The following TAFA1 variants were observed in gnomAD, a reference collection of about 807,000 sequenced individuals.
TAFA1 encodes chemokine-like protein TAFA-1.
TAFA1 carries 4 observed loss-of-function variants against 18.5 expected under a neutral mutation model. The observed-to-expected ratio is 0.22, with a 90% CI of 0.11 to 0.49. The LOEUF (loss-of-function observed/expected upper bound fraction) is 0.49. Ranked by LOEUF, TAFA1 falls within the 20% of genes least tolerant of loss-of-function variation. The pLI, the probability that TAFA1 is intolerant of heterozygous loss-of-function variation, is 0.98. For missense variants in TAFA1, 147 were observed against 169.0 expected (o/e 0.87, Z 0.72); for synonymous variants, 56 against 55.2 (o/e 1.01, Z -0.06).
chr3:68,362,980 C>CTTTTTTTTT (rs10681792), intron 2 of TAFA1, among the ~76,000 whole-genome samples: 12 of 75,012 alleles, frequency 1.6e-4, no homozygotes, highest in East Asian at 6.2e-4. Flanking sequence ...GTCTTGCAGG[C>CTTTTTTTTT]TTTTTTTTTT....
chr3:68,145,065 A>G (rs767957468), intron 2 of TAFA1: 5 of 1,593,778 alleles, frequency 3.1e-6, no homozygotes, highest in Non-Finnish European at 4.3e-6. Context: ...GATCAGTGCG[A>G]GAACCAGGAG....
intron 2 of TAFA1, among the ~76,000 whole-genome samples, chr3:68,120,218 T>TTTCC (rs2065378663): frequency 7.6e-6 from 1 of 131,936 alleles, no homozygotes; most frequent in African/African-American, 3.0e-5. Flanking sequence ...TCTTTCTTTC[T>TTTCC]TTCTTTCTTT....
chr3:68,052,396 T>G (rs1359027941), intron 2 of TAFA1, among the ~76,000 whole-genome samples: 3 of 152,170 alleles, frequency 2.0e-5, no homozygotes, highest in Non-Finnish European at 4.4e-5. Flanking sequence ...TTCCTGTGAC[T>G]ACTCTGAGTC....
At chr3:68,250,156 T>G (rs2107159462) in intron 2 of TAFA1, among the ~76,000 whole-genome samples, 1 of 152,230 alleles carries the variant, frequency 6.6e-6, no homozygotes, top group East Asian at 1.9e-4. Flanking sequence ...GGGTGATGAT[T>G]TTAATCCAGA....
intron 3 of TAFA1, among the ~76,000 whole-genome samples, chr3:68,533,134 C>G (rs1429736221): frequency 6.6e-6 from 1 of 151,274 alleles, no homozygotes; most frequent in Non-Finnish European, 1.5e-5. Flanking sequence ...CGGTCGCATC[C>G]TTATGATGCT....
At chr3:68,071,969 A>T (rs867745566) in intron 2 of TAFA1, among the ~76,000 whole-genome samples, 2 of 152,208 alleles carry the variant, frequency 1.3e-5, no homozygotes, top group South Asian at 4.1e-4. Context: ...TTACAATTAG[A>T]CATAAAATTT....
chr3:68,414,641 A>G (rs2070777064), intron 2 of TAFA1, among the ~76,000 whole-genome samples: 1 of 152,182 alleles, frequency 6.6e-6, no homozygotes, highest in Non-Finnish European at 1.5e-5. Flanking sequence ...AGCTCCAGAA[A>G]TGGCATTGAG....
At chr3:68,317,649 T>G (rs1484012775) in intron 2 of TAFA1, among the ~76,000 whole-genome samples, 1 of 152,134 alleles carries the variant, frequency 6.6e-6, no homozygotes, top group Non-Finnish European at 1.5e-5. Flanking sequence ...GCCAGATGCT[T>G]AATAATTATT....
chr3:68,453,116 G>A (rs979184057), intron 3 of TAFA1, among the ~76,000 whole-genome samples: 3 of 152,142 alleles, frequency 2.0e-5, no homozygotes, highest in African/African-American at 4.8e-5. Context: ...AGACATAAGC[G>A]CTTACTAACC....
In TAFA1 at chr3:68,370,472, GTATATATATATATATA is replaced by G. The variant is rs749877780; in HGVS notation, c.119-46779_119-46764del. On this transcript the variant is annotated intron_variant, in intron 2 of 4. Coordinates refer to ENST00000478136, the MANE Select transcript of TAFA1 (RefSeq NM_213609.4). ...TATATATATGTGTGTGTGTGTGTGT[GTATATATATATATATA>G]TATATATATATATATATATATATAT... Among the ~76,000 whole-genome samples the G allele has an allele frequency of 4.8e-4, 16 of 33,032 alleles. No homozygotes were observed. In the South Asian group the frequency reaches 5.9e-3, roughly 12 times the overall value. The allele number at this position is 33,032 out of a possible 152,430, so 21.7% of individuals were successfully genotyped here.
chr3:68,460,075 G>C (rs778624959), intron 3 of TAFA1, among the ~76,000 whole-genome samples: 14 of 151,988 alleles, frequency 9.2e-5, no homozygotes, highest in Non-Finnish European at 4.4e-5. Context: ...GTATGGCTAA[G>C]AAATAGCTTT....
chr3:68,386,801 C>G (rs927451673), intron 2 of TAFA1, among the ~76,000 whole-genome samples: 1 of 152,040 alleles, frequency 6.6e-6, no homozygotes, highest in African/African-American at 2.4e-5. Context: ...CTGCCAGAAG[C>G]TTATTTTGTT....
chr3:68,217,909 A>G (rs1430530395), intron 2 of TAFA1, among the ~76,000 whole-genome samples: 1 of 152,034 alleles, frequency 6.6e-6, no homozygotes, highest in Non-Finnish European at 1.5e-5. Flanking sequence ...CATTATTATA[A>G]TTGAAGGGTA....
At chr3:68,498,721 G>GTTTTTTTTTT (rs1559694779) in intron 3 of TAFA1, among the ~76,000 whole-genome samples, 2 of 101,722 alleles carry the variant, frequency 2.0e-5, no homozygotes, top group African/African-American at 5.3e-5. Flanking sequence ...CCGTTTGGTG[G>GTTTTTTTTTT]CTTTTTTTTT....
intron 2 of TAFA1, among the ~76,000 whole-genome samples, chr3:68,177,807 T>C (rs907385182): frequency 6.6e-6 from 1 of 152,166 alleles, no homozygotes; most frequent in South Asian, 2.1e-4. Flanking sequence ...TAAACTCTGA[T>C]GGTAATAATA....
chr3:68,008,649 G>A (rs539607449), intron 2 of TAFA1, among the ~76,000 whole-genome samples: 12 of 152,282 alleles, frequency 7.9e-5, no homozygotes, highest in African/African-American at 2.4e-4. Flanking sequence ...GCCTCTCGGT[G>A]CACCGAGTGA....
intron 2 of TAFA1, among the ~76,000 whole-genome samples, chr3:68,087,506 T>C (rs2064984342): frequency 6.6e-6 from 1 of 151,344 alleles, no homozygotes; most frequent in African/African-American, 2.4e-5. Context: ...TTTTTGTCTT[T>C]CTTCCCTCCC....
At chr3:68,246,017 T>C (rs550562026) in intron 2 of TAFA1, among the ~76,000 whole-genome samples, 39 of 152,318 alleles carry the variant, frequency 2.6e-4, no homozygotes, top group African/African-American at 8.9e-4. Context: ...GACAGGGATC[T>C]GTGTGTTTTG....
chr3:68,447,261 CTG>C (rs1220933876), intron 3 of TAFA1, among the ~76,000 whole-genome samples: 1 of 152,130 alleles, frequency 6.6e-6, no homozygotes, highest in Non-Finnish European at 1.5e-5. Context: ...GAGAGGAAAA[CTG>C]AGATGTAGAA....
Sources: allele counts gnomAD v4.1 joint callset (sites outside exome capture counted in the v4.1 genomes callset), GRCh38; gene constraint gnomAD v4.1.1; transcripts MANE v1.5; gene names NCBI Gene and HGNC (gene_info 2026-07-23, HGNC 2026-07-21).